PSG9: variants seen among roughly 807,000 people sequenced by gnomAD.
PSG9 encodes the protein pregnancy specific beta-1-glycoprotein 9.
In PSG9, 49 loss-of-function variants were observed where a neutral mutation model predicts 41.9. The ratio of observed to expected loss-of-function variants is 1.17; its 90% CI spans 0.93 to 1.48. The LOEUF (loss-of-function observed/expected upper bound fraction) is 1.48. Among genes scored for constraint, PSG9 ranks in the 40% most tolerant of loss-of-function variants. The pLI is 0.00. For missense variants in PSG9, 641 were observed against 520.3 expected, an observed-to-expected ratio of 1.23 and a Z score of -2.26; for synonymous variants, 263 against 196.8, an observed-to-expected ratio of 1.34 and a Z score of -2.82.
intron 3 of PSG9, chr19:43,259,956 G>T (rs1009118096): frequency 6.8e-6 from 1 of 147,206 alleles, no homozygotes; most frequent in Non-Finnish European, 1.5e-5. Context: ...ATTTGCAAAT[G>T]CAGAACTGAC....
In PSG9 at chr19:43,268,166, G is replaced by C. The variant is rs148589409; in HGVS notation, c.65-17C>G. 387 of 1,582,176 alleles carry C rather than the reference G, an allele frequency of 2.4e-4. 2 individuals are homozygous for C. The highest frequency in any genetic ancestry group is 3.2e-4 in the Non-Finnish European group (368 of 1,165,418). On this transcript the variant is annotated splice_polypyrimidine_tract_variant and intron_variant, in intron 1 of 5. Transcript: ENST00000270077. ...AAAGTGATGCTAGGAGGGGGAGACA[G>C]CATCAGTTAATATTGAGACCTATGT... is the stretch of plus-strand genomic sequence containing the variant.
At chr19:43,260,350 A>G (rs193113465) in intron 3 of PSG9, 2 of 147,082 alleles carry the variant, frequency 1.4e-5, no homozygotes, top group South Asian at 2.1e-4. Flanking sequence ...ACATTTTTTT[A>G]TTCTGAAATA....
chr19:43,259,018 T>C lies in PSG9; in HGVS notation c.827A>G (p.Asn276Ser). 6.3e-7 allele frequency: 1 copy of C among 1,590,730 alleles called. No individual in the cohort carries two copies. The highest frequency in any genetic ancestry group is 2.3e-4 in the Middle Eastern group (1 of 4,396). The part of the protein sequence containing the change: ...SENYTYIWWL[N>S]GQSLPVSPGV... Reference sequence around the variant, plus strand: ...GGGACTGACGGGGAGGCTCTGACCGTTTAGCCACCAAATGTAGGTGTAGTT... The same window carrying C: ...GGGACTGACGGGGAGGCTCTGACCGCTTAGCCACCAAATGTAGGTGTAGTT... The change falls in exon 4 of 6, where the codon AAC becomes AGC. Residue 276 changes from asparagine (N) to serine (S), a missense_variant. Physicochemically the swap from Asn to Ser is conservative, Grantham distance 46 (BLOSUM62 1). Transcript: ENST00000270077.
intron 5 of PSG9, among the ~76,000 whole-genome samples, chr19:43,254,891 C>G (rs1378770248): frequency 7.0e-6 from 1 of 143,570 alleles, no homozygotes; most frequent in Non-Finnish European, 1.5e-5. Flanking sequence ...GTGTTTGGAC[C>G]AGCATAGGTA....
In PSG9 at chr19:43,265,661, A is replaced by C. The variant is rs148113636; in HGVS notation, c.430+2123T>G. On this transcript the variant is annotated intron_variant, in intron 2 of 5. Transcript: ENST00000270077. Reference sequence around the variant, plus strand: ...CCGTCCTCCTGTTTGGCAGACTTGGAGTCATTAAAATCTTTCTCCGACTAC... The same window carrying C: ...CCGTCCTCCTGTTTGGCAGACTTGGCGTCATTAAAATCTTTCTCCGACTAC... Among the ~76,000 whole-genome samples, 742 of 152,186 alleles carry C rather than the reference A, an allele frequency of 4.9e-3. 5 individuals carry two copies. The highest frequency in any genetic ancestry group is 0.013 in the South Asian group (62 of 4,824).
At chr19:43,254,282 T>C (rs1263667652) in intron 5 of PSG9, among the ~76,000 whole-genome samples, 2 of 146,428 alleles carry the variant, frequency 1.4e-5, no homozygotes, top group African/African-American at 5.2e-5. Flanking sequence ...ACTTTCCTGG[T>C]GTCATATGGC....
intron 5 of PSG9, chr19:43,257,640 G>T: frequency 9.8e-7 from 1 of 1,018,324 alleles, no homozygotes; most frequent in Non-Finnish European, 1.2e-6. Flanking sequence ...TTCAGGACAG[G>T]CCACCAGGGC....
In PSG9 at chr19:43,262,089, C is replaced by T; in HGVS notation, c.480G>A (p.Glu160=). The T allele has an allele frequency of 6.2e-7, 1 of 1,613,996 alleles. No individual in the cohort carries two copies. The highest frequency in any genetic ancestry group is 8.5e-7 in the Non-Finnish European group (1 of 1,179,916). Residue 160 remains glutamate, a synonymous_variant, in exon 3 of 6, where the codon GAG becomes GAA. Transcript: ENST00000270077. The stretch of plus-strand genomic sequence containing the variant: ...AGATTAAGCGCACAGCCTCCATGGC[C>T]TCCCTGGGGTTTAAGTTGCTGCTGG... ...YISSSNLNPR[E]AMEAVRLICD...
At chr19:43,267,418 T>C (rs12973575) in intron 2 of PSG9, among the ~76,000 whole-genome samples, 32,395 of 151,822 alleles carry the variant, frequency 0.21, 4,224 homozygotes, top group East Asian at 0.48. Context: ...GGGCTGAGCT[T>C]CTCTGAGAGT....
chr19:43,254,875 G>A lies in PSG9; in HGVS notation c.1244-1229C>T, dbSNP rs979733750. On this transcript the variant is annotated intron_variant, in intron 5 of 5. Coordinates refer to ENST00000270077, the MANE Select transcript of PSG9 (RefSeq NM_002784.5). ...AGGTCACAGCAGAAGGATTTCTTGA[G>A]ACCAGGTGTTTGGACCAGCATAGGT... 5.7e-4 allele frequency among the ~76,000 whole-genome samples: 83 copies of A among 145,776 alleles called. 8 individuals are homozygous for A. Among genetic ancestry groups the A allele is most frequent in the African/African-American group, 2.0e-3 (77 of 38,160 alleles).
At position 43,254,384 on chromosome 19, in the gene PSG9, G is replaced by T. The variant is rs1017473207; in HGVS notation, c.1244-738C>A. ...TAATATAGCAGCTGACATTGGTTCC[G>T]CTGTGTGTGGCATATTGTTTCATTG... is the stretch of plus-strand genomic sequence containing the variant. On this transcript the variant is annotated intron_variant, in intron 5 of 5. Transcript: ENST00000270077. Among the ~76,000 whole-genome samples, 6 of 146,400 alleles carry T rather than the reference G, an allele frequency of 4.1e-5. 1 individual carries two copies. The highest frequency in any genetic ancestry group is 5.9e-5 in the Non-Finnish European group (4 of 67,398).
intron 2 of PSG9, among the ~76,000 whole-genome samples, chr19:43,266,618 G>C (rs550551216): frequency 9.9e-5 from 15 of 152,220 alleles, no homozygotes; most frequent in African/African-American, 3.1e-4. Context: ...GACTCTGATG[G>C]TTGAGGCAGG....
rs909633477 is a variant in PSG9, at chr19:43,268,723, C to G, written c.65-574G>C. Among the ~76,000 whole-genome samples the G allele has an allele frequency of 2.6e-5, 4 of 152,250 alleles. No homozygotes were observed. The East Asian group carries it at 5.8e-4, about 22-fold the overall frequency. On this transcript the variant is annotated intron_variant, in intron 1 of 5. Coordinates refer to ENST00000270077, the MANE Select transcript of PSG9 (RefSeq NM_002784.5). ...CCTGTAGATGTGAGAGTTCTCAGGG[C>G]CCTCCATGCCCTGGGTGTTTTTTTT...
intron 2 of PSG9, among the ~76,000 whole-genome samples, chr19:43,266,167 C>A (rs12977822): frequency 0.31 from 46,291 of 151,388 alleles, 7,342 homozygotes; most frequent in South Asian, 0.49. Context: ...GACCCCAGGG[C>A]CCAGGTGCCC....
At chr19:43,262,939 T>C (rs1968795629) in intron 2 of PSG9, among the ~76,000 whole-genome samples, 1 of 152,164 alleles carries the variant, frequency 6.6e-6, no homozygotes, top group Non-Finnish European at 1.5e-5. Flanking sequence ...TTTCTAGAAA[T>C]ACATGTGGAT....
At position 43,268,067 on chromosome 19, in the gene PSG9, C is replaced by T. The variant is rs1969064134; in HGVS notation, c.147G>A (p.Lys49=). 1 of 1,613,642 alleles carries T rather than the reference C, an allele frequency of 6.2e-7. No individual in the cohort carries two copies. The highest frequency in any genetic ancestry group is 1.3e-5 in the African/African-American group (1 of 74,832). Residue 49 remains lysine, a synonymous_variant, in exon 2 of 6, where the codon AAG becomes AAA. Coordinates refer to ENST00000270077, the MANE Select transcript of PSG9 (RefSeq NM_002784.5). ...AATTGTGGACAAGTAGAAGAACATC[C>T]TTCCCCTCAGAAACTTTGGGTGGCT... ...EAQPPKVSEG[K]DVLLLVHNLP...
intron 2 of PSG9, 53 bp from the exon 3 acceptor site, chr19:43,262,191 A>G: frequency 6.3e-7 from 1 of 1,576,034 alleles, no homozygotes; most frequent in East Asian, 2.2e-5. Flanking sequence ...TGATTCCTCC[A>G]AAGGCATTTT....
chr19:43,261,390 G>A (rs1968702104), intron 3 of PSG9, among the ~76,000 whole-genome samples: 2 of 152,180 alleles, frequency 1.3e-5, no homozygotes, highest in Admixed American at 6.5e-5. Context: ...CTGTGAGGCA[G>A]GAGAGATTGG....
At position 43,258,221 on chromosome 19, in the gene PSG9, G is replaced by C; in HGVS notation, c.1224C>G (p.Ser408=). The C allele has an allele frequency of 6.3e-7, 1 of 1,592,836 alleles. No homozygotes were observed. The highest frequency in any genetic ancestry group is 8.5e-7 in the Non-Finnish European group (1 of 1,174,502). ...ACTTACCAGAGACTTTGACTGTCAT[G>C]GATTTGGAGATTTCCTTGCCAGTGG... is the stretch of plus-strand genomic sequence containing the variant. ...NSATGKEISK[S]MTVKVSGPCH... The change falls in exon 5 of 6, where the codon TCC becomes TCG. Residue 408 remains serine (S), a synonymous_variant. Coordinates refer to ENST00000270077, the MANE Select transcript of PSG9 (RefSeq NM_002784.5).
Sources: gnomAD v4.1 joint callset for allele counts (sites outside exome capture counted in the v4.1 genomes callset) on GRCh38, gnomAD v4.1.1 for gene constraint, MANE v1.5 for transcripts, NCBI Gene and HGNC (gene_info 2026-07-23, HGNC 2026-07-21) for gene names.